Variants in CNIH2 observed in about 807,000 individuals in gnomAD.
The protein encoded by CNIH2 is protein cornichon homolog 2.
A neutral mutation model predicts 22.9 loss-of-function variants in CNIH2; 8 were observed. That is an observed-to-expected ratio of 0.35 (90% CI 0.20 to 0.63). CNIH2 has a LOEUF of 0.63. Among genes scored for constraint, CNIH2 ranks in the 30% least tolerant of loss-of-function variants. The pLI, the probability that CNIH2 is intolerant of heterozygous loss-of-function variation, is 0.72. For missense variants in CNIH2, 105 were observed against 206.2 expected, an observed-to-expected ratio of 0.51 and a Z score of 3.01; for synonymous variants, 74 against 78.2, an observed-to-expected ratio of 0.95 and a Z score of 0.28.
chr11:66,282,652 C>T, intron 2 of CNIH2, 81 bp from the exon 3 acceptor site: 1 of 1,511,238 alleles, frequency 6.6e-7, no homozygotes, highest in Non-Finnish European at 9.1e-7. Flanking sequence ...CGCCCCCTGG[C>T]GGCCACATGT....
chr11:66,280,335 C>T (rs569084459), intron 1 of CNIH2, among the ~76,000 whole-genome samples: 1 of 152,352 alleles, frequency 6.6e-6, no homozygotes, highest in African/African-American at 2.4e-5. Context: ...AGCCATTTAG[C>T]TGGACAATCT....
intron 1 of CNIH2, among the ~76,000 whole-genome samples, chr11:66,278,815 G>A (rs564119407): frequency 2.6e-5 from 4 of 151,172 alleles, no homozygotes; most frequent in African/African-American, 9.7e-5. Context: ...CGTGAGGTGG[G>A]GGGTGGAATT....
chr11:66,282,537 G>A lies in CNIH2; in HGVS notation c.151-196G>A, dbSNP rs890885292. On this transcript the variant is annotated intron_variant, in intron 2 of 5. Transcript: ENST00000311445. Reference sequence around the variant, plus strand: ...GGCGGTGGTTGCCAGGCTCTGGGCCGTTGCCATGGAGACGCGGGTGAAGGC... The same window carrying A: ...GGCGGTGGTTGCCAGGCTCTGGGCCATTGCCATGGAGACGCGGGTGAAGGC... The A allele has an allele frequency of 1.3e-5, 11 of 847,924 alleles. 1 individual carries two copies. Among genetic ancestry groups the A allele is most frequent in the African/African-American group, 1.7e-5 (1 of 59,034 alleles). The allele number at this position is 847,924 out of a possible 1,614,324, so 52.5% of individuals were successfully genotyped here. A position where few individuals can be genotyped will look rare whatever the true frequency, so the allele number is the denominator to read the frequency against.
chr11:66,282,915 C>T, intron 3 of CNIH2, 120 bp from the exon 4 acceptor site: 4 of 1,363,984 alleles, frequency 2.9e-6, no homozygotes, highest in Non-Finnish European at 4.2e-6. Flanking sequence ...AGCCAGAGGC[C>T]TTTTAATCCC....
chr11:66,283,518 C>T, intron 5 of CNIH2, 52 bp from the exon 6 acceptor site: 1 of 1,606,964 alleles, frequency 6.2e-7, no homozygotes. Flanking sequence ...AGGTGGGCAT[C>T]TGGGTGGCTG....
intron 1 of CNIH2, 24 bp downstream of exon 1, chr11:66,278,561 CT>C: frequency 3.7e-6 from 1 of 267,912 alleles, no homozygotes; most frequent in Non-Finnish European, 7.1e-6. Context: ...GGGGCTGGGG[CT>C]GGGGGCGGGG....
At chr11:66,280,194 G>A (rs1273742871) in intron 1 of CNIH2, among the ~76,000 whole-genome samples, 1 of 152,208 alleles carries the variant, frequency 6.6e-6, no homozygotes, top group African/African-American at 2.4e-5. Context: ...AGGGGGTCAA[G>A]GATGAATAAA....
rs766753486 is a variant in CNIH2, at chr11:66,283,236, T to C, written c.312-12T>C. 9.9e-6 allele frequency: 16 copies of C among 1,613,766 alleles called. No individual in the cohort carries two copies. Among genetic ancestry groups the C allele is most frequent in the Admixed American group, 3.3e-5 (2 of 60,000 alleles). Reference sequence around the variant, plus strand: ...TCCTGATGGCAGACACTCAGGCCCCTGTCTGCCCCAGGTACTTCCACCGTC... The same window carrying C: ...TCCTGATGGCAGACACTCAGGCCCCCGTCTGCCCCAGGTACTTCCACCGTC... On this transcript the variant is annotated splice_polypyrimidine_tract_variant and intron_variant, in intron 4 of 5. Coordinates refer to ENST00000311445, the MANE Select transcript of CNIH2 (RefSeq NM_182553.3).
At chr11:66,282,365 C>G (rs958916275) in intron 2 of CNIH2, 38 bp downstream of exon 2, 1 of 1,360,428 alleles carries the variant, frequency 7.4e-7, no homozygotes, top group Non-Finnish European at 9.8e-7. Context: ...TGTGTCCGTC[C>G]GTCTGTCTTT....
In CNIH2 at chr11:66,283,817, G is replaced by A. The variant is rs2134883467; in HGVS notation, c.*220G>A. The A allele has an allele frequency of 3.5e-6, 2 of 564,302 alleles. No individual in the cohort carries two copies. Among genetic ancestry groups the A allele is most frequent in the Non-Finnish European group, 3.2e-6 (1 of 316,530 alleles). The allele number at this position is 564,302 out of a possible 1,614,324, so 35.0% of individuals were successfully genotyped here. A position where few individuals can be genotyped will look rare whatever the true frequency, so the allele number is the denominator to read the frequency against. Reference sequence around the variant, plus strand: ...CGGCTGGGCAGAGCTCTAAACAGGGGCAGGGGCTCCTCTGCCAGCCTGTGG... The same window carrying A: ...CGGCTGGGCAGAGCTCTAAACAGGGACAGGGGCTCCTCTGCCAGCCTGTGG... On this transcript the variant is annotated 3_prime_UTR_variant, in exon 6 of 6. Transcript: ENST00000311445.
chr11:66,281,721 C>T (rs968362801), intron 1 of CNIH2: 7 of 352,118 alleles, frequency 2.0e-5, no homozygotes, highest in South Asian at 1.3e-4. Flanking sequence ...TCCTGAATGT[C>T]TCCTGACCTT....
In CNIH2 at chr11:66,283,408, A is replaced by T. The variant is rs1307624404; in HGVS notation, c.455+17A>T. 6.2e-7 allele frequency: 1 copy of T among 1,614,030 alleles called. No homozygotes were observed. Among genetic ancestry groups the T allele is most frequent in the African/African-American group, 1.3e-5 (1 of 75,058 alleles). ...CCTGTACAGGTGAGGCCTTGCCCACAGCAGTCAGAACTCAGGGAAGGGATG... is the reference window on the plus strand; with the variant it reads ...CCTGTACAGGTGAGGCCTTGCCCACTGCAGTCAGAACTCAGGGAAGGGATG... On this transcript the variant is annotated intron_variant, in intron 5 of 5. Coordinates refer to ENST00000311445, the MANE Select transcript of CNIH2 (RefSeq NM_182553.3).
intron 1 of CNIH2, chr11:66,281,615 G>A (rs1275396865): frequency 3.9e-5 from 15 of 379,852 alleles, no homozygotes; most frequent in South Asian, 2.9e-4. Context: ...GGGCGCCCAT[G>A]TCTGGCTCTG....
At position 66,281,523 on chromosome 11, in the gene CNIH2, A is replaced by C. The variant is rs1285590715; in HGVS notation, c.82-736A>C. 2.9e-5 allele frequency: 13 copies of C among 454,758 alleles called. 1 individual carries two copies. The highest frequency in any genetic ancestry group is 2.0e-4 in the South Asian group (13 of 64,488). The allele number at this position is 454,758 out of a possible 1,614,324, so 28.2% of individuals were successfully genotyped here. On this transcript the variant is annotated intron_variant, in intron 1 of 5. Transcript: ENST00000311445. Reference sequence around the variant, plus strand: ...CCTAAGACATGGACCTGACCACCCCACTCTGCTGCTGTGTACTCTTCAATG... The same window carrying C: ...CCTAAGACATGGACCTGACCACCCCCCTCTGCTGCTGTGTACTCTTCAATG...
In CNIH2 at chr11:66,283,809, A is replaced by C; in HGVS notation, c.*212A>C. On this transcript the variant is annotated 3_prime_UTR_variant, in exon 6 of 6. Transcript: ENST00000311445. The stretch of plus-strand genomic sequence containing the variant: ...GACTAGAGCGGCTGGGCAGAGCTCT[A>C]AACAGGGGCAGGGGCTCCTCTGCCA... The C allele has an allele frequency of 1.7e-6, 1 of 571,654 alleles. No homozygotes were observed. Among genetic ancestry groups the C allele is most frequent in the Non-Finnish European group, 3.1e-6 (1 of 321,348 alleles). The allele number at this position is 571,654 out of a possible 1,614,324, so 35.4% of individuals were successfully genotyped here. A position where few individuals can be genotyped will look rare whatever the true frequency, so the allele number is the denominator to read the frequency against.
chr11:66,282,607 C>A, intron 2 of CNIH2, 126 bp from the exon 3 acceptor site: 3 of 1,178,958 alleles, frequency 2.5e-6, no homozygotes, highest in Non-Finnish European at 3.6e-6. Context: ...GGCTGCTTCC[C>A]GGCCGTGCCG....
At chr11:66,281,132 C>G (rs571475510) in intron 1 of CNIH2, among the ~76,000 whole-genome samples, 1 of 152,174 alleles carries the variant, frequency 6.6e-6, no homozygotes, top group African/African-American at 2.4e-5. Flanking sequence ...ATCCCATGCA[C>G]GCCTTCCGTC....
chr11:66,280,981 C>T (rs72938506), intron 1 of CNIH2, among the ~76,000 whole-genome samples: 7,058 of 152,268 alleles, frequency 0.046, 224 homozygotes, highest in Non-Finnish European at 0.067. Context: ...TCCCCTCAAA[C>T]ACTTGCTCCC....
chr11:66,282,423 T>TGGGGGGGGGGGGGGGGGGGG, intron 2 of CNIH2, 96 bp downstream of exon 2: 2 of 147,068 alleles, frequency 1.4e-5, no homozygotes, highest in Non-Finnish European at 1.3e-5. Context: ...GGGGGTGGGG[T>TGGGGGGGGGGGGGGGGGGGG]GGGGGGCCTA....
Sources: gnomAD v4.1 joint callset for allele counts (sites outside exome capture counted in the v4.1 genomes callset) on GRCh38, gnomAD v4.1.1 for gene constraint, MANE v1.5 for transcripts, NCBI Gene and HGNC (gene_info 2026-07-23, HGNC 2026-07-21) for gene names.